Variants in PFN4 observed in about 807,000 individuals in gnomAD.
PFN4 encodes the protein profilin family member 4, also known as profilin-4.
A neutral mutation model predicts 16.3 loss-of-function variants in PFN4; 10 were observed. The observed-to-expected ratio is 0.61, with a 90% CI of 0.38 to 1.04. The LOEUF (loss-of-function observed/expected upper bound fraction) is 1.04, where lower values mean the gene tolerates loss of function less well. Ranked by LOEUF, PFN4 falls within the 50% of genes least tolerant of loss-of-function variation. The probability of loss-of-function intolerance (pLI) is 0.01; values close to 1 mark genes in which losing one functional copy is unlikely to be tolerated. For missense variants in PFN4, 136 were observed against 153.6 expected (o/e 0.89, Z 0.61); for synonymous variants, 54 against 56.9 (o/e 0.95, Z 0.23).
intron 4 of PFN4, 55 bp from the exon 5 acceptor site, chr2:24,115,666 A>G: frequency 6.4e-7 from 1 of 1,560,184 alleles, no homozygotes; most frequent in South Asian, 1.1e-5. Context: ...ATCACTACAA[A>G]TGATTCATTC....
rs531081894 is a variant in PFN4, at chr2:24,119,382, T to G, written c.361+195A>C. Among the ~76,000 whole-genome samples, 15 of 152,324 alleles carry G rather than the reference T, an allele frequency of 9.8e-5. 1 individual carries two copies. The South Asian group carries it at 2.9e-3, about 29-fold the overall frequency. On this transcript the variant is annotated intron_variant, in intron 4 of 4. Transcript: ENST00000313213. ...AAGTCAAGACAGAATCCTAGCAGTG[T>G]TCCAGTCCCTGAATCTACCTTCCCC... is the stretch of plus-strand genomic sequence containing the variant.
intron 3 of PFN4, 125 bp from the exon 4 acceptor site, chr2:24,119,807 A>G: frequency 3.2e-6 from 2 of 624,858 alleles, no homozygotes; most frequent in African/African-American, 1.8e-5. Flanking sequence ...TGGAATATAC[A>G]TATTCCGTAT....
chr2:24,119,640 GA>G lies in PFN4; in HGVS notation c.297del (p.Leu100TrpfsTer2), dbSNP rs763761528. On this transcript the variant is annotated frameshift_variant, in exon 4 of 5. Transcript: ENST00000313213. LOFTEE classifies it high-confidence loss of function. ...GVVVVKTHLY[L>X]LVATYTEGMY... ...ATGCCCTCAGTGTAAGTTGCTACCA[GA>G]AGATACAGATGGGTCTTCACGACAA... is the stretch of plus-strand genomic sequence containing the variant. 6.2e-7 allele frequency: 1 copy of G among 1,613,776 alleles called. No homozygotes were observed. Among genetic ancestry groups the G allele is most frequent in the Admixed American group, 1.7e-5 (1 of 60,024 alleles).
rs1665864103 is a variant in PFN4, at chr2:24,114,865, T to A, written c.*718A>T. ...GGAAGGGTGCATTTAGTGACCATAC[T>A]GCCTTACTAAGGTGTGCAGTGAGAG... On this transcript the variant is annotated 3_prime_UTR_variant, in exon 5 of 5. Transcript: ENST00000313213. Among the ~76,000 whole-genome samples the A allele has an allele frequency of 6.6e-6, 1 of 152,220 alleles. No individual in the cohort carries two copies. The highest frequency in any genetic ancestry group is 2.4e-5 in the African/African-American group (1 of 41,466).
chr2:24,122,044 T>C (rs13006081), intron 2 of PFN4, among the ~76,000 whole-genome samples: 17,939 of 152,252 alleles, frequency 0.12, 1,250 homozygotes, highest in South Asian at 0.18. Flanking sequence ...TTAAAAGTCA[T>C]GTCTGGGCTG....
At position 24,121,277 on chromosome 2, in the gene PFN4, T is replaced by C. The variant is rs1666109314; in HGVS notation, c.141A>G (p.Thr47=). 6.2e-7 allele frequency: 1 copy of C among 1,614,068 alleles called. No homozygotes were observed. Among genetic ancestry groups the C allele is most frequent in the African/African-American group, 1.3e-5 (1 of 74,942 alleles). ...GGTTCTTGGCAAATCCATTCACCAG[T>C]GTTCGGACATCACTGGGCGTTACCT... ...GFNVTPSDVR[T]LVNGFAKNPL... Residue 47 remains threonine, a synonymous_variant, in exon 3 of 5, where the codon ACA becomes ACG. Coordinates refer to ENST00000313213, the MANE Select transcript of PFN4 (RefSeq NM_199346.3).
In PFN4 at chr2:24,115,484, C is replaced by T. The variant is rs1665883578; in HGVS notation, c.*99G>A. On this transcript the variant is annotated 3_prime_UTR_variant, in exon 5 of 5. Coordinates refer to ENST00000313213, the MANE Select transcript of PFN4 (RefSeq NM_199346.3). ...TTAATTCATTCTTCTTTTTTAGTGC[C>T]TTCTGTCTAGTGTTTTTTCAACCAT... 4.8e-6 allele frequency: 5 copies of T among 1,049,164 alleles called. No homozygotes were observed. The highest frequency in any genetic ancestry group is 5.7e-6 in the Non-Finnish European group (4 of 707,558). 65.0% of individuals were successfully genotyped at this position (1,049,164 alleles called of 1,614,324 possible). A position where few individuals can be genotyped will look rare whatever the true frequency, so the allele number is the denominator to read the frequency against.
chr2:24,117,014 ATTTT>A (rs58867611), intron 4 of PFN4, among the ~76,000 whole-genome samples: 51 of 131,908 alleles, frequency 3.9e-4, no homozygotes, highest in South Asian at 9.6e-4. Context: ...ACAATCCTGC[ATTTT>A]TTTTTTTTTT....
At chr2:24,119,507 C>A (rs1232972440) in intron 4 of PFN4, 70 bp downstream of exon 4, 1 of 1,130,014 alleles carries the variant, frequency 8.8e-7, no homozygotes, top group Non-Finnish European at 1.3e-6. Context: ...TGAGTTGGAT[C>A]TCTGTTACTC....
At chr2:24,115,663 CA>C (rs774693910) in intron 4 of PFN4, 52 bp from the exon 5 acceptor site, 1 of 1,562,782 alleles carries the variant, frequency 6.4e-7, no homozygotes, top group Non-Finnish European at 8.8e-7. Context: ...ATTATCACTA[CA>C]AATGATTCAT....
chr2:24,118,830 A>G (rs1459953205), intron 4 of PFN4, among the ~76,000 whole-genome samples: 2 of 152,190 alleles, frequency 1.3e-5, no homozygotes, highest in African/African-American at 4.8e-5. Context: ...ATGTTTGTTG[A>G]ATGAATGAAT....
chr2:24,115,253 TG>T lies in PFN4; in HGVS notation c.*329del. On this transcript the variant is annotated 3_prime_UTR_variant, in exon 5 of 5. Coordinates refer to ENST00000313213, the MANE Select transcript of PFN4 (RefSeq NM_199346.3). Reference sequence around the variant, plus strand: ...CCTGAGAAATGTCTTGGATAAAGAGTGGTGAGAGCCTTGCATTCTTGGCATA... The same window carrying T: ...CCTGAGAAATGTCTTGGATAAAGAGTGTGAGAGCCTTGCATTCTTGGCATA... The T allele has an allele frequency of 8.0e-6, 2 of 250,946 alleles. No individual in the cohort carries two copies. Among genetic ancestry groups the T allele is most frequent in the South Asian group, 1.4e-4 (2 of 14,458 alleles). The allele number at this position is 250,946 out of a possible 1,614,324, so 15.5% of individuals were successfully genotyped here. A position where few individuals can be genotyped will look rare whatever the true frequency, so the allele number is the denominator to read the frequency against.
At chr2:24,121,140 C>G (rs748102700) in intron 3 of PFN4, 23 bp downstream of exon 3, 2 of 1,613,246 alleles carry the variant, frequency 1.2e-6, no homozygotes, top group Admixed American at 3.3e-5. Flanking sequence ...TTACTCAGCT[C>G]TCTTCAAATC....
At chr2:24,115,896 G>A (rs1157675040) in intron 4 of PFN4, among the ~76,000 whole-genome samples, 2 of 121,818 alleles carry the variant, frequency 1.6e-5, no homozygotes, top group African/African-American at 3.1e-5. Flanking sequence ...AGTATGAATT[G>A]GGTTCCCATG....
intron 3 of PFN4, among the ~76,000 whole-genome samples, chr2:24,120,657 G>T (rs1666082730): frequency 6.6e-6 from 1 of 152,064 alleles, no homozygotes; most frequent in Non-Finnish European, 1.5e-5. Flanking sequence ...CTGGATTCAA[G>T]AAATTCTCCT....
chr2:24,119,213 G>A (rs897188067), intron 4 of PFN4, among the ~76,000 whole-genome samples: 14 of 151,820 alleles, frequency 9.2e-5, no homozygotes, highest in Non-Finnish European at 5.9e-5. Flanking sequence ...ATAGCTGACT[G>A]ATACAGGGGT....
At chr2:24,115,788 A>C (rs1665895786) in intron 4 of PFN4, among the ~76,000 whole-genome samples, 177 bp from the exon 5 acceptor site, 1 of 151,988 alleles carries the variant, frequency 6.6e-6, no homozygotes, top group African/African-American at 2.4e-5. Context: ...TCCTGCCCTC[A>C]TGGAGTTCAC....
intron 4 of PFN4, among the ~76,000 whole-genome samples, chr2:24,115,974 C>T (rs1665904963): frequency 6.6e-6 from 1 of 150,528 alleles, no homozygotes; most frequent in Admixed American, 6.6e-5. Flanking sequence ...TGAGAGAGGG[C>T]TCAGGAGAAT....
rs1239466364 is a variant in PFN4, at chr2:24,122,579, C to T, written c.-12-32G>A. On this transcript the variant is annotated intron_variant, in intron 1 of 4. Coordinates refer to ENST00000313213, the MANE Select transcript of PFN4 (RefSeq NM_199346.3). ...GGGAAAGTGCAGTTGAAGCCATTGA[C>T]TCTGGCTAGCTTTTAAAAGGCATGT... The T allele has an allele frequency of 2.2e-6, 3 of 1,352,974 alleles. No homozygotes were observed. The Admixed American group carries it at 5.4e-5, about 24-fold the overall frequency. 83.8% of individuals were successfully genotyped at this position (1,352,974 alleles called of 1,614,324 possible).
Sources: gnomAD v4.1 joint callset for allele counts (sites outside exome capture counted in the v4.1 genomes callset) on GRCh38, gnomAD v4.1.1 for gene constraint, MANE v1.5 for transcripts, NCBI Gene and HGNC (gene_info 2026-07-23, HGNC 2026-07-21) for gene names.